TMEM178B: variants seen among roughly 807,000 people sequenced by gnomAD.
The protein encoded by TMEM178B is transmembrane protein 178B.
In TMEM178B, 5 loss-of-function variants were observed where a neutral mutation model predicts 31.0. The ratio of observed to expected loss-of-function variants is 0.16; its 90% CI spans 0.08 to 0.34. TMEM178B has a LOEUF of 0.34. TMEM178B is among the 10% of genes least tolerant of loss of function. TMEM178B has a pLI of 1.00. For synonymous variants in TMEM178B, 164 were observed against 164.0 expected (o/e 1.00, Z 0.00); for missense variants, 275 against 400.3 (o/e 0.69, Z 2.67).
At chr7:141,129,649 A>T (rs1278353163) in intron 1 of TMEM178B, among the ~76,000 whole-genome samples, 2 of 152,220 alleles carry the variant, frequency 1.3e-5, no homozygotes, top group Non-Finnish European at 2.9e-5. Flanking sequence ...TCTTAAAATT[A>T]TTTGAAGAGA....
At chr7:141,120,015 A>T (rs1032186839) in intron 1 of TMEM178B, among the ~76,000 whole-genome samples, 6 of 152,168 alleles carry the variant, frequency 3.9e-5, no homozygotes, top group Non-Finnish European at 8.8e-5. Flanking sequence ...GGTGAGGTGG[A>T]GATGTATCTT....
At chr7:141,394,624 G>A in intron 2 of TMEM178B, among the ~76,000 whole-genome samples, 1 of 152,202 alleles carries the variant, frequency 6.6e-6, no homozygotes, top group East Asian at 1.9e-4. Flanking sequence ...ATAATAACCT[G>A]TGTGGTATCT....
intron 1 of TMEM178B, among the ~76,000 whole-genome samples, chr7:141,172,529 A>G (rs934553964): frequency 1.3e-5 from 2 of 152,198 alleles, no homozygotes; most frequent in Non-Finnish European, 1.5e-5. Context: ...GGGCCCTGCA[A>G]CCTCAGCAAG....
rs188861312 is a variant in TMEM178B, at chr7:141,251,961, C to T, written c.496+39257C>T. Among the ~76,000 whole-genome samples the T allele has an allele frequency of 2.6e-5, 4 of 152,158 alleles. No homozygotes were observed. In the East Asian group the frequency reaches 7.7e-4, roughly 29 times the overall value. On this transcript the variant is annotated intron_variant, in intron 2 of 3. Transcript: ENST00000565468. ...TTTTCTTTTATCATTTAATTTTTTT[C>T]CTCTTAAGAGAGAGACATTTCTCTA...
intron 1 of TMEM178B, among the ~76,000 whole-genome samples, chr7:141,150,682 C>A (rs1795958049): frequency 6.6e-6 from 1 of 152,218 alleles, no homozygotes; most frequent in African/African-American, 2.4e-5. Context: ...GGGGCTGAGG[C>A]CATTTTGGGC....
intron 2 of TMEM178B, among the ~76,000 whole-genome samples, chr7:141,389,161 A>T (rs1259616302): frequency 6.6e-6 from 1 of 152,172 alleles, no homozygotes; most frequent in Non-Finnish European, 1.5e-5. Flanking sequence ...CAAATTCATC[A>T]CTTCTTCCAG....
chr7:141,432,299 G>A (rs35802271), intron 2 of TMEM178B, among the ~76,000 whole-genome samples: 8,116 of 151,958 alleles, frequency 0.053, 244 homozygotes, highest in Middle Eastern at 0.082. Context: ...ATGATTACCG[G>A]GGCATGCCAC....
At chr7:141,219,175 G>A (rs1217970806) in intron 2 of TMEM178B, among the ~76,000 whole-genome samples, 2 of 152,128 alleles carry the variant, frequency 1.3e-5, no homozygotes, top group African/African-American at 4.8e-5. Context: ...TGAGGTAACC[G>A]AGCCAGTGGG....
At chr7:141,125,538 G>A (rs530415223) in intron 1 of TMEM178B, among the ~76,000 whole-genome samples, 20 of 151,892 alleles carry the variant, frequency 1.3e-4, no homozygotes, top group African/African-American at 3.4e-4. Flanking sequence ...AAAATCAGCC[G>A]GGTGTGGTGG....
At chr7:141,489,571 T>C in the TMEM178B span, among the ~76,000 whole-genome samples, 6 of 151,988 alleles carry the variant, frequency 3.9e-5, no homozygotes, top group African/African-American at 1.5e-4. Flanking sequence ...TCCCTCCTTC[T>C]CTCCCCACTC....
intron 2 of TMEM178B, among the ~76,000 whole-genome samples, chr7:141,213,626 T>C (rs1797082562): frequency 6.6e-6 from 1 of 152,248 alleles, no homozygotes; most frequent in Non-Finnish European, 1.5e-5. Context: ...ACTTTGAAGA[T>C]GGTAGATCTC....
chr7:141,142,726 G>A (rs1795794479), intron 1 of TMEM178B, among the ~76,000 whole-genome samples: 1 of 152,176 alleles, frequency 6.6e-6, no homozygotes, highest in African/African-American at 2.4e-5. Context: ...ATTTTCATTT[G>A]GATGTATTCC....
chr7:141,263,539 G>C (rs1798048230), intron 2 of TMEM178B, among the ~76,000 whole-genome samples: 1 of 152,210 alleles, frequency 6.6e-6, no homozygotes, highest in African/African-American at 2.4e-5. Context: ...GGAAAGGTCT[G>C]TCTGTATACA....
At chr7:141,121,367 G>A (rs1314728562) in intron 1 of TMEM178B, among the ~76,000 whole-genome samples, 2 of 152,116 alleles carry the variant, frequency 1.3e-5, no homozygotes, top group Non-Finnish European at 2.9e-5. Flanking sequence ...ACCCACACAT[G>A]TCAGATACTC....
At chr7:141,218,475 C>T (rs1299623473) in intron 2 of TMEM178B, among the ~76,000 whole-genome samples, 1 of 152,182 alleles carries the variant, frequency 6.6e-6, no homozygotes, top group Non-Finnish European at 1.5e-5. Flanking sequence ...ACACACTTGG[C>T]TCCCTGTCCC....
Position 141,470,718 on chromosome 7 carries a change from C to T in TMEM178B, c.817C>T (p.Pro273Ser). ...LISGFFCTLA[P>S]SVQPVPRTNY... is the part of the protein sequence containing the mutation. ...CTCGGGATTCTTCTGTACCTTAGCC[C>T]CTTCTGTTCAACCTGTCCCGAGGAC... The change falls in exon 4 of 4, where the codon CCT becomes TCT. Residue 273 changes from proline (P) to serine (S), a missense_variant. By Grantham distance (74) the Pro-to-Ser change is moderately conservative. Transcript: ENST00000565468. The T allele has an allele frequency of 6.5e-7, 1 of 1,535,124 alleles. No homozygotes were observed. Among genetic ancestry groups the T allele is most frequent in the Non-Finnish European group, 8.7e-7 (1 of 1,146,588 alleles).
chr7:141,348,525 G>A (rs989582461), intron 2 of TMEM178B, among the ~76,000 whole-genome samples: 1 of 152,148 alleles, frequency 6.6e-6, no homozygotes, highest in Admixed American at 6.5e-5. Flanking sequence ...TGTAATTTAG[G>A]GGGAGAGCAG....
intron 3 of TMEM178B, among the ~76,000 whole-genome samples, chr7:141,462,694 T>C (rs1802079930): frequency 1.3e-5 from 2 of 152,040 alleles, no homozygotes; most frequent in African/African-American, 2.4e-5. Flanking sequence ...GCAATGTGAA[T>C]GTGAAGGAGA....
chr7:141,323,293 C>G (rs1799132574), intron 2 of TMEM178B, among the ~76,000 whole-genome samples: 1 of 152,186 alleles, frequency 6.6e-6, no homozygotes, highest in Admixed American at 6.5e-5. Flanking sequence ...CTCTCTTTTT[C>G]TCTTCTCTAT....
Sources: gnomAD v4.1 joint callset for allele counts (sites outside exome capture counted in the v4.1 genomes callset) on GRCh38, gnomAD v4.1.1 for gene constraint, MANE v1.5 for transcripts, NCBI Gene and HGNC (gene_info 2026-07-23, HGNC 2026-07-21) for gene names.